Variants in PPM1L observed in about 807,000 individuals in gnomAD.
PPM1L encodes protein phosphatase 1L.
Under a neutral mutation model 31.4 loss-of-function variants are expected in PPM1L, and 13 were observed. That is an observed-to-expected ratio of 0.41 (90% CI 0.27 to 0.66). The LOEUF (loss-of-function observed/expected upper bound fraction) is 0.66, where lower values mean the gene tolerates loss of function less well. Among genes scored for constraint, PPM1L ranks in the 30% least tolerant of loss-of-function variants. PPM1L has a pLI of 0.29. For synonymous variants in PPM1L, 184 were observed against 175.4 expected (o/e 1.05, Z -0.39); for missense variants, 326 against 453.7 (o/e 0.72, Z 2.56).
At chr3:161,004,939 T>C (rs1477812201) in intron 2 of PPM1L, among the ~76,000 whole-genome samples, 1 of 152,232 alleles carries the variant, frequency 6.6e-6, no homozygotes, top group Non-Finnish European at 1.5e-5. Context: ...TGTTAGGGTG[T>C]CAATTTTGGG....
chr3:160,970,875 C>T (rs567722620), intron 2 of PPM1L, among the ~76,000 whole-genome samples: 326 of 148,164 alleles, frequency 2.2e-3, no homozygotes, highest in African/African-American at 7.9e-3. Context: ...CTGCAGGCTC[C>T]GCCCCCTGGG....
At chr3:160,848,116 C>T (rs958679903) in intron 1 of PPM1L, among the ~76,000 whole-genome samples, 19 of 152,148 alleles carry the variant, frequency 1.2e-4, no homozygotes, top group South Asian at 4.2e-4. Flanking sequence ...CTATTGCTCC[C>T]GACACATAGT....
At position 160,883,888 on chromosome 3, in the gene PPM1L, A is replaced by G. The variant is rs562923118; in HGVS notation, c.400-77848A>G. Reference sequence around the variant, plus strand: ...AGTGAGACCTTGTCTCTACAAAAAAAAAAAAAAAAAAATTAAAAATTAAAA... The same window carrying G: ...AGTGAGACCTTGTCTCTACAAAAAAGAAAAAAAAAAAATTAAAAATTAAAA... On this transcript the variant is annotated intron_variant, in intron 1 of 3. Transcript: ENST00000498165. 2.1e-3 allele frequency among the ~76,000 whole-genome samples: 322 copies of G among 150,584 alleles called. 1 individual carries two copies. Among genetic ancestry groups the G allele is most frequent in the African/African-American group, 7.4e-3 (303 of 41,160 alleles).
At chr3:160,951,604 G>A (rs1715578981) in intron 1 of PPM1L, among the ~76,000 whole-genome samples, 1 of 152,104 alleles carries the variant, frequency 6.6e-6, no homozygotes, top group African/African-American at 2.4e-5. Flanking sequence ...ACAGAAAGTG[G>A]GATTTGAGTG....
chr3:160,878,007 T>C (rs1340264895), intron 1 of PPM1L, among the ~76,000 whole-genome samples: 1 of 152,218 alleles, frequency 6.6e-6, no homozygotes, highest in Non-Finnish European at 1.5e-5. Context: ...AGGCTGCTCT[T>C]TGTTAGAGAA....
chr3:161,001,915 A>C (rs998679421), intron 2 of PPM1L, among the ~76,000 whole-genome samples: 3 of 152,154 alleles, frequency 2.0e-5, no homozygotes, highest in Admixed American at 1.3e-4. Context: ...TATACATGTG[A>C]CATGCTGGTG....
intron 1 of PPM1L, among the ~76,000 whole-genome samples, chr3:160,794,713 C>T (rs2049214): frequency 0.42 from 64,037 of 151,918 alleles, 14,269 homozygotes; most frequent in East Asian, 0.6. Context: ...TTCCCTGGGC[C>T]ACATTGGATG....
Position 161,074,299 on chromosome 3 carries a change from A to G in PPM1L, c.*5142A>G, listed in dbSNP as rs955919242. The G allele has an allele frequency of 6.6e-5, 10 of 152,350 alleles. No homozygotes were observed. The highest frequency in any genetic ancestry group is 2.2e-4 in the African/African-American group (9 of 41,572). 9.4% of individuals were successfully genotyped at this position (152,350 alleles called of 1,614,324 possible). ...TTTGGCATGTTATCTCTTGCCTAAA[A>G]TGTGAGGCCTTCCTGTAGTTCCACA... is the stretch of plus-strand genomic sequence containing the variant. On this transcript the variant is annotated 3_prime_UTR_variant, in exon 4 of 4. Transcript: ENST00000498165.
intron 2 of PPM1L, among the ~76,000 whole-genome samples, chr3:161,011,942 A>G (rs1334193205): frequency 6.6e-6 from 1 of 152,210 alleles, no homozygotes; most frequent in African/African-American, 2.4e-5. Context: ...TTTTCTAAAT[A>G]TACAATCATG....
At chr3:161,030,735 G>A (rs777038737) in intron 2 of PPM1L, among the ~76,000 whole-genome samples, 28 of 152,140 alleles carry the variant, frequency 1.8e-4, no homozygotes, top group Non-Finnish European at 3.2e-4. Context: ...CTTCCCCATA[G>A]ATAGCATCCA....
At chr3:160,844,733 C>G (rs1277914516) in intron 1 of PPM1L, among the ~76,000 whole-genome samples, 1 of 151,956 alleles carries the variant, frequency 6.6e-6, no homozygotes, top group Non-Finnish European at 1.5e-5. Context: ...TTTAAAGAGC[C>G]TTATTGAAAT....
At position 161,014,561 on chromosome 3, in the gene PPM1L, G is replaced by A. The variant is rs889079628; in HGVS notation, c.575-50842G>A. On this transcript the variant is annotated intron_variant, in intron 2 of 3. Coordinates refer to ENST00000498165, the MANE Select transcript of PPM1L (RefSeq NM_139245.4). ...ACGATCTCAGCTCACTGCAACATCC[G>A]CCTCCCAGGTTCAAGCGATTCTCCT... 1.1e-4 allele frequency among the ~76,000 whole-genome samples: 16 copies of A among 147,722 alleles called. No homozygotes were observed. The East Asian group carries it at 1.4e-3, about 13-fold the overall frequency.
chr3:160,838,396 A>T (rs961801737), intron 1 of PPM1L, among the ~76,000 whole-genome samples: 2 of 152,166 alleles, frequency 1.3e-5, no homozygotes, highest in Non-Finnish European at 2.9e-5. Flanking sequence ...AGTGATGGGC[A>T]GTAGAGGTGA....
intron 1 of PPM1L, among the ~76,000 whole-genome samples, chr3:160,954,723 A>G: frequency 6.6e-6 from 1 of 151,998 alleles, no homozygotes; most frequent in East Asian, 1.9e-4. Flanking sequence ...TTATAACACA[A>G]TTTTTAATTG....
intron 1 of PPM1L, among the ~76,000 whole-genome samples, chr3:160,787,653 T>C (rs954651972): frequency 3.3e-5 from 5 of 152,214 alleles, no homozygotes; most frequent in African/African-American, 1.2e-4. Flanking sequence ...TTTTGGAGTC[T>C]TTATCATGAA....
intron 1 of PPM1L, among the ~76,000 whole-genome samples, chr3:160,868,152 G>T (rs565726260): frequency 1.3e-5 from 2 of 152,256 alleles, no homozygotes; most frequent in South Asian, 2.1e-4. Context: ...AGCCATATGC[G>T]TCAAACTGAG....
At chr3:160,916,549 A>T (rs1297721171) in intron 1 of PPM1L, among the ~76,000 whole-genome samples, 4 of 152,202 alleles carry the variant, frequency 2.6e-5, no homozygotes, top group Non-Finnish European at 5.9e-5. Context: ...TCTTTTTGTC[A>T]TCTTCAACGT....
At chr3:160,830,211 A>G (rs1713482453) in intron 1 of PPM1L, among the ~76,000 whole-genome samples, 1 of 152,180 alleles carries the variant, frequency 6.6e-6, no homozygotes, top group Non-Finnish European at 1.5e-5. Flanking sequence ...AGCTACTATT[A>G]TGGAATGCCA....
At chr3:160,803,380 A>G (rs1477335255) in intron 1 of PPM1L, among the ~76,000 whole-genome samples, 2 of 152,000 alleles carry the variant, frequency 1.3e-5, no homozygotes, top group African/African-American at 2.4e-5. Context: ...GATCACTGGT[A>G]ATTTTTGCAC....
Sources: gnomAD v4.1 joint callset for allele counts (sites outside exome capture counted in the v4.1 genomes callset) on GRCh38, gnomAD v4.1.1 for gene constraint, MANE v1.5 for transcripts, NCBI Gene and HGNC (gene_info 2026-07-23, HGNC 2026-07-21) for gene names.